Variants in SCHIP1 observed in about 807,000 individuals in gnomAD.
SCHIP1 encodes the protein schwannomin interacting protein 1.
In SCHIP1, 8 loss-of-function variants were observed where a neutral mutation model predicts 29.7. That is an observed-to-expected ratio of 0.27 (90% CI 0.16 to 0.49). The LOEUF (loss-of-function observed/expected upper bound fraction) is 0.49, where lower values mean the gene tolerates loss of function less well. SCHIP1 is among the 20% of genes least tolerant of loss of function. The pLI is 0.99. For missense variants in SCHIP1, 193 were observed against 294.6 expected, an observed-to-expected ratio of 0.66 and a Z score of 2.52; for synonymous variants, 76 against 94.9, an observed-to-expected ratio of 0.80 and a Z score of 1.16.
the SCHIP1 span, among the ~76,000 whole-genome samples, chr3:159,744,977 G>A: frequency 6.6e-5 from 8 of 121,620 alleles, no homozygotes; most frequent in East Asian, 8.8e-4. Flanking sequence ...GCAAGACTCC[G>A]TCTCAAAAAA....
chr3:159,368,542 G>T, the SCHIP1 span, among the ~76,000 whole-genome samples: 2 of 152,182 alleles, frequency 1.3e-5, no homozygotes, highest in Non-Finnish European at 2.9e-5. Flanking sequence ...TATGACCACA[G>T]AATTAAAATG....
At chr3:159,648,243 C>T in the SCHIP1 span, among the ~76,000 whole-genome samples, 1,623 of 152,024 alleles carry the variant, frequency 0.011, 14 homozygotes, top group Middle Eastern at 0.014. Context: ...GGTGAGGCAG[C>T]TGCACACCTC....
At chr3:159,397,671 T>C in the SCHIP1 span, among the ~76,000 whole-genome samples, 791 of 152,360 alleles carry the variant, frequency 5.2e-3, 4 homozygotes, top group African/African-American at 0.018. Context: ...GGAGGCAGTC[T>C]GCCCGTTCTC....
chr3:159,448,156 C>T, the SCHIP1 span, among the ~76,000 whole-genome samples: 1 of 152,150 alleles, frequency 6.6e-6, no homozygotes, highest in East Asian at 1.9e-4. Flanking sequence ...CAAATAAGTT[C>T]ATGAGTGCGT....
chr3:159,471,927 TAA>T, the SCHIP1 span, among the ~76,000 whole-genome samples: 2 of 152,162 alleles, frequency 1.3e-5, no homozygotes, highest in Non-Finnish European at 2.9e-5. Flanking sequence ...TTGCTGATAG[TAA>T]AAAATTGAAC....
chr3:159,753,500 AT>A, the SCHIP1 span, among the ~76,000 whole-genome samples: 4 of 152,114 alleles, frequency 2.6e-5, no homozygotes, highest in Admixed American at 2.0e-4. Context: ...ACCCCCATCT[AT>A]TTAGTCACTA....
chr3:159,445,010 G>T, the SCHIP1 span, among the ~76,000 whole-genome samples: 1 of 152,056 alleles, frequency 6.6e-6, no homozygotes, highest in Non-Finnish European at 1.5e-5. Context: ...GGCAACAAAA[G>T]CCAAAATTGA....
chr3:159,315,949 T>C, the SCHIP1 span, among the ~76,000 whole-genome samples: 1 of 152,204 alleles, frequency 6.6e-6, no homozygotes, highest in African/African-American at 2.4e-5. Flanking sequence ...GGCTTATCTG[T>C]AAAGTGAGGA....
the SCHIP1 span, among the ~76,000 whole-genome samples, chr3:159,812,197 C>G: frequency 3.9e-5 from 6 of 152,216 alleles, no homozygotes; most frequent in South Asian, 1.2e-3. Flanking sequence ...TCTCGAACTA[C>G]TGGCCTCAAG....
the SCHIP1 span, among the ~76,000 whole-genome samples, chr3:159,812,826 A>G: frequency 6.6e-6 from 1 of 152,166 alleles, no homozygotes; most frequent in East Asian, 1.9e-4. Flanking sequence ...TATAAGGAAA[A>G]GAGGTTTGTC....
At chr3:159,764,285 A>T in the SCHIP1 span, 1 of 774,252 alleles carries the variant, frequency 1.3e-6, no homozygotes, top group Non-Finnish European at 2.0e-6. This position sits in a 1 kb window ranked among gnomAD's most constrained non-coding sequence, Gnocchi z 6.1. Flanking sequence ...GGGAAGCCTC[A>T]GGCTGGTGCT....
At chr3:159,786,528 CAAT>C in the SCHIP1 span, among the ~76,000 whole-genome samples, 1 of 152,298 alleles carries the variant, frequency 6.6e-6, no homozygotes, top group Non-Finnish European at 1.5e-5. Flanking sequence ...TCTTAAATAT[CAAT>C]GACTATTCTT....
intron 1 of SCHIP1, among the ~76,000 whole-genome samples, chr3:159,850,542 CAAAAAA>C (rs61224003): frequency 4.0e-4 from 42 of 104,940 alleles, no homozygotes; most frequent in African/African-American, 1.2e-3. Context: ...GATTCCATCT[CAAAAAA>C]AAAAAAAAAA....
the SCHIP1 span, among the ~76,000 whole-genome samples, chr3:159,689,668 C>T: frequency 1.3e-5 from 2 of 152,106 alleles, no homozygotes; most frequent in African/African-American, 4.8e-5. Flanking sequence ...GCATCCTTGT[C>T]GTGTGCCAGT....
chr3:159,444,625 T>C, the SCHIP1 span, among the ~76,000 whole-genome samples: 7 of 152,140 alleles, frequency 4.6e-5, no homozygotes, highest in African/African-American at 1.7e-4. Flanking sequence ...TATAATCTAA[T>C]AACAGAGTTA....
the SCHIP1 span, among the ~76,000 whole-genome samples, chr3:159,317,867 A>G: frequency 6.6e-6 from 1 of 152,236 alleles, no homozygotes; most frequent in South Asian, 2.1e-4. Flanking sequence ...GTAAGTGTCT[A>G]TTCCAGTGAG....
At chr3:159,721,860 G>T in the SCHIP1 span, 1 of 405,614 alleles carries the variant, frequency 2.5e-6, no homozygotes, top group South Asian at 2.0e-5. Flanking sequence ...GTCCACCTTG[G>T]GGATGCCACT....
chr3:159,599,667 T>C, the SCHIP1 span, among the ~76,000 whole-genome samples: 4 of 152,170 alleles, frequency 2.6e-5, no homozygotes, highest in African/African-American at 9.7e-5. Context: ...TTTGGGCTGG[T>C]TTCGTATTTT....
the SCHIP1 span, among the ~76,000 whole-genome samples, chr3:159,502,487 A>C: frequency 6.6e-6 from 1 of 152,074 alleles, no homozygotes; most frequent in Admixed American, 6.5e-5. Context: ...TTTTTTTAAA[A>C]ATTTTATTAT....
Sources: gnomAD v4.1 joint callset for allele counts (sites outside exome capture counted in the v4.1 genomes callset) on GRCh38, gnomAD v4.1.1 for gene constraint, Gnocchi (gnomAD v3.1) non-coding constraint, MANE v1.5 for transcripts, NCBI Gene and HGNC (gene_info 2026-07-23, HGNC 2026-07-21) for gene names.